The following FAM174B variants were observed in gnomAD, a reference collection of about 807,000 sequenced individuals.
The protein encoded by FAM174B is family with sequence similarity 174 member B, also known as membrane protein FAM174B.
FAM174B carries 12 observed loss-of-function variants against 10.9 expected under a neutral mutation model. That is an observed-to-expected ratio of 1.10 (90% CI 0.71 to 1.79). The LOEUF (loss-of-function observed/expected upper bound fraction) is 1.79, where lower values mean the gene tolerates loss of function less well. Among genes scored for constraint, FAM174B ranks in the 40% most tolerant of loss-of-function variants. FAM174B has a pLI of 0.00. For synonymous variants in FAM174B, 132 were observed against 115.8 expected, an observed-to-expected ratio of 1.14 and a Z score of -0.90; for missense variants, 266 against 233.3, an observed-to-expected ratio of 1.14 and a Z score of -0.91.
intron 1 of FAM174B, among the ~76,000 whole-genome samples, chr15:92,650,835 G>A (rs1168634895): frequency 6.6e-6 from 1 of 152,140 alleles, no homozygotes; most frequent in Admixed American, 6.5e-5. Context: ...AACCTGCCAA[G>A]TAGCAGACCC....
rs926484912 is a variant in FAM174B, at chr15:92,655,531, C to T, written c.129G>A (p.Ser43=). The change falls in exon 1 of 3, where the codon TCG becomes TCA. Residue 43 remains serine (S), a synonymous_variant. Transcript: ENST00000327355. ...CGGGCCCCGGGCCGGGCGGTGGCCG[C>T]GACTCGCGCTCGGGTTCGGGCCACG... is the stretch of plus-strand genomic sequence containing the variant. ...SAPWPEPERE[S]RPPPGPGPGN... 2.0e-6 allele frequency: 3 copies of T among 1,483,426 alleles called. No homozygotes were observed. The highest frequency in any genetic ancestry group is 5.9e-5 in the East Asian group (2 of 33,784). The allele number at this position is 1,483,426 out of a possible 1,614,324, so 91.9% of individuals were successfully genotyped here.
chr15:92,631,208 ATT>A (rs2050800434), intron 1 of FAM174B, among the ~76,000 whole-genome samples: 1 of 28,870 alleles, frequency 3.5e-5, no homozygotes, highest in African/African-American at 1.5e-4. Flanking sequence ...TATTACATAT[ATT>A]ATATATTATA....
intron 1 of FAM174B, among the ~76,000 whole-genome samples, chr15:92,647,057 T>C (rs2050933147): frequency 6.6e-6 from 1 of 152,252 alleles, no homozygotes; most frequent in Non-Finnish European, 1.5e-5. Flanking sequence ...TTGACTCTTT[T>C]TGTCGACAGG....
intron 1 of FAM174B, chr15:92,634,324 T>C (rs1186124597): frequency 6.6e-6 from 1 of 152,236 alleles, no homozygotes; most frequent in Non-Finnish European, 1.5e-5. Context: ...ACTTGGAACT[T>C]GATGCCTCGT....
chr15:92,631,197 A>ACG lies in FAM174B; in HGVS notation c.345-853_345-852insCG, dbSNP rs1242669763. Reference sequence around the variant, plus strand: ...TTATATATTATATTATATATTATATATATTACATATATTATATATTATATT... The same window carrying ACG: ...TTATATATTATATTATATATTATATACGTATTACATATATTATATATTATATT... On this transcript the variant is annotated intron_variant, in intron 1 of 2. Coordinates refer to ENST00000327355, the MANE Select transcript of FAM174B (RefSeq NM_207446.3). Among the ~76,000 whole-genome samples the ACG allele has an allele frequency of 3.6e-3, 103 of 28,790 alleles. 31 individuals are homozygous for ACG. The highest frequency in any genetic ancestry group is 5.9e-3 in the Non-Finnish European group (94 of 15,900). 18.9% of individuals were successfully genotyped at this position (28,790 alleles called of 152,430 possible). A position where few individuals can be genotyped will look rare whatever the true frequency, so the allele number is the denominator to read the frequency against.
intron 1 of FAM174B, among the ~76,000 whole-genome samples, chr15:92,643,374 G>GTGTGTGTGTGTGTGTT: frequency 6.6e-6 from 1 of 151,472 alleles, no homozygotes; most frequent in Non-Finnish European, 1.5e-5. Context: ...GTGTGTGTGT[G>GTGTGTGTGTGTGTGTT]TGTATGCATG....
At position 92,617,898 on chromosome 15, in the gene FAM174B, T is replaced by C; in HGVS notation, c.*1558A>G. On this transcript the variant is annotated 3_prime_UTR_variant, in exon 3 of 3. Transcript: ENST00000327355. ...CCGTGGCTGGCAATACCATGCGTGC[T>C]GGGCCGGCTGCGCCACCCTCACCCA... The C allele has an allele frequency of 2.3e-6, 1 of 426,668 alleles. No individual in the cohort carries two copies. 26.4% of individuals were successfully genotyped at this position (426,668 alleles called of 1,614,324 possible).
chr15:92,631,840 A>G (rs1030741898), intron 1 of FAM174B, among the ~76,000 whole-genome samples: 1 of 152,116 alleles, frequency 6.6e-6, no homozygotes, highest in Admixed American at 6.6e-5. Context: ...CTTTAAAAAA[A>G]AAGCCCCAAA....
intron 2 of FAM174B, among the ~76,000 whole-genome samples, chr15:92,620,998 C>T (rs2050715844): frequency 6.6e-6 from 1 of 152,108 alleles, no homozygotes; most frequent in African/African-American, 2.4e-5. Context: ...AAATAATGAA[C>T]TTCCTGTCAT....
At chr15:92,647,066 G>A (rs1957425177) in intron 1 of FAM174B, among the ~76,000 whole-genome samples, 1 of 152,170 alleles carries the variant, frequency 6.6e-6, no homozygotes, top group African/African-American at 2.4e-5. Flanking sequence ...TTTGTCGACA[G>A]GACTGACAGT....
At chr15:92,631,519 G>T (rs2050818217) in intron 1 of FAM174B, among the ~76,000 whole-genome samples, 2 of 110,100 alleles carry the variant, frequency 1.8e-5, no homozygotes, top group Non-Finnish European at 3.4e-5. Context: ...TTTTAAGATG[G>T]AGTCTCGCTC....
chr15:92,631,121 T>C (rs11638100), intron 1 of FAM174B, among the ~76,000 whole-genome samples: 1 of 61,754 alleles, frequency 1.6e-5, no homozygotes, highest in African/African-American at 5.4e-5. Flanking sequence ...CATATTATAT[T>C]ATATATTACG....
chr15:92,642,639 G>A (rs2050898994), intron 1 of FAM174B, among the ~76,000 whole-genome samples: 1 of 152,212 alleles, frequency 6.6e-6, no homozygotes, highest in East Asian at 1.9e-4. Context: ...ATGAGGACAT[G>A]TTTGCTTCCT....
chr15:92,632,711 G>A (rs1283497518), intron 1 of FAM174B, among the ~76,000 whole-genome samples: 2 of 151,544 alleles, frequency 1.3e-5, no homozygotes, highest in Non-Finnish European at 2.9e-5. Context: ...TAGTAGAGAC[G>A]AGGTCTTGTT....
chr15:92,634,461 C>CT (rs2141956845), intron 1 of FAM174B: 1 of 152,318 alleles, frequency 6.6e-6, no homozygotes, highest in African/African-American at 2.4e-5. Flanking sequence ...CTTTCCTTCT[C>CT]TATAATCTTA....
At chr15:92,630,112 C>G in intron 2 of FAM174B, 102 bp downstream of exon 2, 21 of 1,250,814 alleles carry the variant, frequency 1.7e-5, no homozygotes, top group Non-Finnish European at 2.4e-5. Context: ...GGACCCAACA[C>G]TTCACTAAAA....
At chr15:92,633,813 C>G (rs902319977) in intron 1 of FAM174B, among the ~76,000 whole-genome samples, 7 of 152,164 alleles carry the variant, frequency 4.6e-5, no homozygotes, top group Non-Finnish European at 8.8e-5. Flanking sequence ...CCACCTCCCT[C>G]CAAAGGAGTA....
intron 1 of FAM174B, among the ~76,000 whole-genome samples, 176 bp from the exon 2 acceptor site, chr15:92,630,521 G>A (rs1007508409): frequency 6.6e-6 from 1 of 151,840 alleles, no homozygotes; most frequent in South Asian, 2.1e-4. Flanking sequence ...CCTCCAGCCT[G>A]GCTGCTGAGA....
chr15:92,628,660 T>A (rs917145280), intron 2 of FAM174B, among the ~76,000 whole-genome samples: 2 of 152,192 alleles, frequency 1.3e-5, no homozygotes, highest in Non-Finnish European at 2.9e-5. Flanking sequence ...TCTCCCATTC[T>A]GTTATCCATA....
Sources: gnomAD v4.1 joint callset for allele counts (sites outside exome capture counted in the v4.1 genomes callset) on GRCh38, gnomAD v4.1.1 for gene constraint, MANE v1.5 for transcripts, NCBI Gene and HGNC (gene_info 2026-07-23, HGNC 2026-07-21) for gene names.